The following PTPRD variants were observed in gnomAD, a reference collection of about 807,000 sequenced individuals.
PTPRD encodes the protein receptor-type tyrosine-protein phosphatase delta.
PTPRD carries 34 observed loss-of-function variants against 214.5 expected under a neutral mutation model. The ratio of observed to expected loss-of-function variants is 0.16; its 90% CI spans 0.12 to 0.21. The LOEUF is 0.21. PTPRD is among the 10% of genes least tolerant of loss of function. The pLI is 1.00. For synonymous variants in PTPRD, 1,128 were observed against 845.7 expected (o/e 1.33, Z -5.79); for missense variants, 2,545 against 2,398.7 (o/e 1.06, Z -1.27).
Position 9,959,548 on chromosome 9 carries a change from G to A in PTPRD, c.-471-20938C>T, listed in dbSNP as rs12376297. 9.7e-3 allele frequency among the ~76,000 whole-genome samples: 1,477 copies of A among 152,240 alleles called. 14 individuals carry two copies. The highest frequency in any genetic ancestry group is 0.017 in the Non-Finnish European group (1,185 of 68,000). On this transcript the variant is annotated intron_variant, in intron 4 of 45. Transcript: ENST00000381196. ...CCTAGAAAAACTTCCTATGGCAAGAGAATCTATCTTCCTACGACAAATATA... is the reference window on the plus strand; with the variant it reads ...CCTAGAAAAACTTCCTATGGCAAGAAAATCTATCTTCCTACGACAAATATA...
At chr9:8,359,833 G>C (rs752105527) in intron 39 of PTPRD, among the ~76,000 whole-genome samples, 4 of 152,184 alleles carry the variant, frequency 2.6e-5, no homozygotes, top group Admixed American at 1.3e-4. Context: ...GTACCACTTA[G>C]TGTTTGTTCC....
In PTPRD at chr9:10,487,197, A is replaced by G. The variant is rs113270177; in HGVS notation, c.-600+125201T>C. Among the ~76,000 whole-genome samples the G allele has an allele frequency of 1.8e-3, 268 of 152,084 alleles. 3 individuals are homozygous for G. Among genetic ancestry groups the G allele is most frequent in the African/African-American group, 6.2e-3 (257 of 41,486 alleles). On this transcript the variant is annotated intron_variant, in intron 2 of 45. Coordinates refer to ENST00000381196, the MANE Select transcript of PTPRD (RefSeq NM_002839.4). The stretch of plus-strand genomic sequence containing the variant: ...AGTCTATGGGTACCCTTATAGGTGA[A>G]GTGTGTTTCTTATAGGCAACAGATC...
chr9:8,340,147 T>TTTG (rs1851118585), intron 42 of PTPRD, among the ~76,000 whole-genome samples, 196 bp downstream of exon 42: 1 of 152,174 alleles, frequency 6.6e-6, no homozygotes, highest in Non-Finnish European at 1.5e-5. Flanking sequence ...TAGATCTTTC[T>TTTG]TTAAAACACA....
At chr9:9,894,704 A>G (rs781067542) in intron 5 of PTPRD, among the ~76,000 whole-genome samples, 5 of 152,094 alleles carry the variant, frequency 3.3e-5, no homozygotes, top group Admixed American at 6.6e-5. Flanking sequence ...TGAGCTAAAT[A>G]ATATCTCTCT....
chr9:9,268,155 A>C (rs1215331945), intron 9 of PTPRD, among the ~76,000 whole-genome samples: 1 of 151,276 alleles, frequency 6.6e-6, no homozygotes, highest in Non-Finnish European at 1.5e-5. Flanking sequence ...TTACTAATAA[A>C]TTCAGTGAAG....
At chr9:8,569,331 C>T (rs925245176) in intron 14 of PTPRD, among the ~76,000 whole-genome samples, 1 of 152,148 alleles carries the variant, frequency 6.6e-6, no homozygotes, top group Non-Finnish European at 1.5e-5. Context: ...ATCAGGCAGG[C>T]AATCATCCTC....
At position 9,740,361 on chromosome 9, in the gene PTPRD, A is replaced by ATTTTTTTTTTTT. The variant is rs35876773; in HGVS notation, c.-325-5802_-325-5791dup. ...GTTCCATTTTATCTCTAAAACTACT[A>ATTTTTTTTTTTT]TTTTTTTTTTTTTGGAGATGGAGTC... On this transcript the variant is annotated intron_variant, in intron 6 of 45. Transcript: ENST00000381196. Among the ~76,000 whole-genome samples, 412 of 145,486 alleles carry ATTTTTTTTTTTT rather than the reference A, an allele frequency of 2.8e-3. 2 individuals are homozygous for ATTTTTTTTTTTT. The highest frequency in any genetic ancestry group is 0.01 in the African/African-American group (399 of 39,282).
At chr9:8,818,273 A>G (rs938205070) in intron 11 of PTPRD, among the ~76,000 whole-genome samples, 1 of 152,224 alleles carries the variant, frequency 6.6e-6, no homozygotes, top group African/African-American at 2.4e-5. Flanking sequence ...GGCCACTGGA[A>G]AATTTACAAT....
chr9:10,209,523 T>C (rs578069594), intron 3 of PTPRD, among the ~76,000 whole-genome samples: 1 of 152,116 alleles, frequency 6.6e-6, no homozygotes, highest in Non-Finnish European at 1.5e-5. Flanking sequence ...CTTGCTCCCA[T>C]GTTCTCGCAT....
chr9:10,526,383 T>C, intron 2 of PTPRD, among the ~76,000 whole-genome samples: 1 of 152,208 alleles, frequency 6.6e-6, no homozygotes, highest in South Asian at 2.1e-4. Flanking sequence ...GTATAATAAT[T>C]ATTTCTAAAT....
intron 3 of PTPRD, among the ~76,000 whole-genome samples, chr9:10,053,071 G>A (rs553480412): frequency 1.3e-5 from 2 of 152,168 alleles, no homozygotes; most frequent in South Asian, 2.1e-4. Context: ...TTTCTCATGA[G>A]GAAAATAGAT....
At chr9:9,967,044 A>C (rs567135058) in intron 4 of PTPRD, among the ~76,000 whole-genome samples, 39 of 152,138 alleles carry the variant, frequency 2.6e-4, no homozygotes, top group Non-Finnish European at 5.3e-4. Context: ...ATCTGACCTT[A>C]GGCAGCATGT....
At chr9:8,334,367 T>A (rs1038586656) in intron 43 of PTPRD, among the ~76,000 whole-genome samples, 2 of 149,598 alleles carry the variant, frequency 1.3e-5, no homozygotes, top group Non-Finnish European at 1.5e-5. Flanking sequence ...AAATTAGAAC[T>A]CAAGATTAAA....
At chr9:8,980,911 A>G (rs561486879) in intron 11 of PTPRD, among the ~76,000 whole-genome samples, 35 of 152,188 alleles carry the variant, frequency 2.3e-4, no homozygotes, top group African/African-American at 8.4e-4. Flanking sequence ...TCAGGCCAAA[A>G]TTCCATTGTT....
chr9:9,157,810 C>A (rs1440410727), intron 10 of PTPRD, among the ~76,000 whole-genome samples: 1 of 152,068 alleles, frequency 6.6e-6, no homozygotes, highest in Non-Finnish European at 1.5e-5. Flanking sequence ...CTACACAGAT[C>A]ATCCCATTAC....
chr9:9,779,540 G>C (rs144367005), intron 5 of PTPRD, among the ~76,000 whole-genome samples: 1 of 151,976 alleles, frequency 6.6e-6, no homozygotes, highest in Non-Finnish European at 1.5e-5. Context: ...TAAAAAAATG[G>C]ACAAAATATG....
chr9:8,894,723 A>G (rs2098593160), intron 11 of PTPRD, among the ~76,000 whole-genome samples: 1 of 152,214 alleles, frequency 6.6e-6, no homozygotes. Context: ...GAAAAAGGAA[A>G]GTAGTTTTGG....
At chr9:9,113,040 C>T (rs528475844) in intron 10 of PTPRD, among the ~76,000 whole-genome samples, 2 of 151,692 alleles carry the variant, frequency 1.3e-5, no homozygotes, top group South Asian at 2.1e-4. Flanking sequence ...TTATAGCTCA[C>T]TGCAGCCTCA....
intron 11 of PTPRD, among the ~76,000 whole-genome samples, chr9:8,890,897 C>G (rs2098533483): frequency 6.6e-6 from 1 of 152,044 alleles, no homozygotes; most frequent in African/African-American, 2.4e-5. Context: ...CTGCCTGTCT[C>G]AAAGAGGAAA....
Sources: gnomAD v4.1 joint callset for allele counts (sites outside exome capture counted in the v4.1 genomes callset) on GRCh38, gnomAD v4.1.1 for gene constraint, MANE v1.5 for transcripts, NCBI Gene and HGNC (gene_info 2026-07-23, HGNC 2026-07-21) for gene names.